GALNTL6: variants seen among roughly 807,000 people sequenced by gnomAD.
GALNTL6 encodes the protein polypeptide N-acetylgalactosaminyltransferase-like 6.
A neutral mutation model predicts 73.7 loss-of-function variants in GALNTL6; 46 were observed. The observed-to-expected ratio is 0.62, with a 90% CI of 0.49 to 0.80. The LOEUF is 0.80. GALNTL6 is among the 30% of genes least tolerant of loss of function. The probability of loss-of-function intolerance (pLI) is 0.00; values close to 1 mark genes in which losing one functional copy is unlikely to be tolerated. For missense variants in GALNTL6, 604 were observed against 755.0 expected (o/e 0.80, Z 2.34); for synonymous variants, 259 against 263.7 (o/e 0.98, Z 0.17).
intron 3 of GALNTL6, among the ~76,000 whole-genome samples, chr4:172,235,901 G>A (rs1019320776): frequency 3.9e-5 from 6 of 152,096 alleles, no homozygotes; most frequent in African/African-American, 1.4e-4. Context: ...GTAAGAATAT[G>A]TAATATTTCA....
chr4:172,470,930 C>T (rs987449703), intron 5 of GALNTL6, among the ~76,000 whole-genome samples: 4 of 152,282 alleles, frequency 2.6e-5, no homozygotes, highest in African/African-American at 9.6e-5. Flanking sequence ...CCCCCAACAC[C>T]CAGGTTTGCG....
intron 5 of GALNTL6, among the ~76,000 whole-genome samples, chr4:172,491,202 A>C (rs1321751817): frequency 1.3e-5 from 2 of 152,182 alleles, no homozygotes; most frequent in Non-Finnish European, 2.9e-5. Flanking sequence ...TTACTTAATA[A>C]GAATAATCAT....
chr4:172,238,294 C>A (rs529482564), intron 3 of GALNTL6, among the ~76,000 whole-genome samples: 8 of 151,950 alleles, frequency 5.3e-5, no homozygotes, highest in African/African-American at 1.4e-4. Context: ...GTTTTGTAAT[C>A]CTCATTTTAG....
chr4:172,011,709 G>A (rs1168893645), intron 2 of GALNTL6, among the ~76,000 whole-genome samples: 1 of 151,680 alleles, frequency 6.6e-6, no homozygotes, highest in Non-Finnish European at 1.5e-5. Flanking sequence ...ATAACCCATG[G>A]TACCTTTGTT....
chr4:172,554,784 G>A (rs1736084605), intron 5 of GALNTL6, among the ~76,000 whole-genome samples: 1 of 152,080 alleles, frequency 6.6e-6, no homozygotes, highest in Non-Finnish European at 1.5e-5. Flanking sequence ...TCCATTGTAT[G>A]GACATTGCGC....
At chr4:172,881,333 A>G (rs1745440401) in intron 7 of GALNTL6, among the ~76,000 whole-genome samples, 1 of 150,566 alleles carries the variant, frequency 6.6e-6, no homozygotes, top group African/African-American at 2.5e-5. Context: ...TTTTTATTAC[A>G]AAACAAAAAA....
intron 2 of GALNTL6, among the ~76,000 whole-genome samples, chr4:171,944,313 A>G (rs1380357326): frequency 6.6e-6 from 1 of 152,196 alleles, no homozygotes; most frequent in East Asian, 1.9e-4. Context: ...AGTTTATTCC[A>G]TAAAAATATT....
At position 172,621,507 on chromosome 4, in the gene GALNTL6, A is replaced by G. The variant is rs184962718; in HGVS notation, c.554-187854A>G. Among the ~76,000 whole-genome samples the G allele has an allele frequency of 1.2e-4, 18 of 152,104 alleles. 1 individual carries two copies. The South Asian group carries it at 1.7e-3, about 14-fold the overall frequency. On this transcript the variant is annotated intron_variant, in intron 5 of 12. Coordinates refer to ENST00000506823, the MANE Select transcript of GALNTL6 (RefSeq NM_001034845.3). ...GTTATCAACAATTAATCTACTTCCAACTTCCAATTTTTTGTCCTTTACAAC... is the reference window on the plus strand; with the variant it reads ...GTTATCAACAATTAATCTACTTCCAGCTTCCAATTTTTTGTCCTTTACAAC...
intron 5 of GALNTL6, among the ~76,000 whole-genome samples, chr4:172,486,890 C>T (rs923510599): frequency 6.6e-6 from 1 of 152,110 alleles, no homozygotes; most frequent in Admixed American, 6.5e-5. Flanking sequence ...AACAAAATAC[C>T]TCAATACAGT....
Position 172,424,489 on chromosome 4 carries a change from T to C in GALNTL6, c.553+75800T>C, listed in dbSNP as rs531230972. 2.4e-3 allele frequency among the ~76,000 whole-genome samples: 362 copies of C among 151,170 alleles called. 1 individual carries two copies. The highest frequency in any genetic ancestry group is 2.9e-3 in the Non-Finnish European group (193 of 67,582). ...AGGAAGTGTTTTAGTGACGGTGAGC[T>C]AACTATTATAAAAAATAAATTAAAA... On this transcript the variant is annotated intron_variant, in intron 5 of 12. Coordinates refer to ENST00000506823, the MANE Select transcript of GALNTL6 (RefSeq NM_001034845.3).
At chr4:172,816,861 T>C (rs2332629) in intron 7 of GALNTL6, among the ~76,000 whole-genome samples, 70,732 of 151,756 alleles carry the variant, frequency 0.47, 20,158 homozygotes, top group African/African-American at 0.81. Flanking sequence ...ATTCCCAGCA[T>C]TTTGGGAGGC....
At chr4:172,196,647 A>G (rs1297804634) in intron 2 of GALNTL6, among the ~76,000 whole-genome samples, 2 of 152,202 alleles carry the variant, frequency 1.3e-5, no homozygotes, top group Non-Finnish European at 2.9e-5. Context: ...AACTTATACA[A>G]ATCAATAAAT....
chr4:172,839,356 A>G (rs1271557915), intron 7 of GALNTL6, among the ~76,000 whole-genome samples: 1 of 152,228 alleles, frequency 6.6e-6, no homozygotes, highest in African/African-American at 2.4e-5. Context: ...ACAGCCTTGA[A>G]TCCTCAGATA....
In GALNTL6 at chr4:172,546,954, A is replaced by G. The variant is rs113635126; in HGVS notation, c.553+198265A>G. ...CCCATCCGTGACCAGAGCTCTTTTCATGTTGTGAAACTGAAACTCTATGCG... is the reference window on the plus strand; with the variant it reads ...CCCATCCGTGACCAGAGCTCTTTTCGTGTTGTGAAACTGAAACTCTATGCG... On this transcript the variant is annotated intron_variant, in intron 5 of 12. Transcript: ENST00000506823. Among the ~76,000 whole-genome samples, 1,083 of 151,030 alleles carry G rather than the reference A, an allele frequency of 7.2e-3. 16 individuals are homozygous for G. The highest frequency in any genetic ancestry group is 0.025 in the African/African-American group (1,013 of 41,102).
intron 8 of GALNTL6, among the ~76,000 whole-genome samples, chr4:172,926,400 A>G (rs1748061240): frequency 6.6e-6 from 1 of 152,222 alleles, no homozygotes; most frequent in African/African-American, 2.4e-5. Context: ...TGAACTTTCT[A>G]TTACGGCACT....
intron 2 of GALNTL6, among the ~76,000 whole-genome samples, chr4:172,176,381 G>C (rs1468360472): frequency 7.2e-6 from 1 of 138,872 alleles, no homozygotes; most frequent in Non-Finnish European, 1.5e-5. Context: ...TATTTATTGA[G>C]TAATTAGAAA....
chr4:171,858,126 C>A (rs1385608139), intron 2 of GALNTL6, among the ~76,000 whole-genome samples: 1 of 151,954 alleles, frequency 6.6e-6, no homozygotes, highest in African/African-American at 2.4e-5. Flanking sequence ...GCATAGAAAG[C>A]AATATAGAAA....
intron 9 of GALNTL6, among the ~76,000 whole-genome samples, chr4:172,943,393 C>G (rs1180260731): frequency 6.6e-6 from 1 of 152,220 alleles, no homozygotes; most frequent in East Asian, 1.9e-4. Context: ...CATGAGAAAT[C>G]TGATCCGGAT....
intron 11 of GALNTL6, among the ~76,000 whole-genome samples, chr4:173,016,163 C>T (rs1434035698): frequency 6.6e-6 from 1 of 152,222 alleles, no homozygotes; most frequent in South Asian, 2.1e-4. Flanking sequence ...GCTGTCCGGG[C>T]AGAGGTGTGC....
Sources: allele counts gnomAD v4.1 joint callset (sites outside exome capture counted in the v4.1 genomes callset), GRCh38; gene constraint gnomAD v4.1.1; transcripts MANE v1.5; gene names NCBI Gene and HGNC (gene_info 2026-07-23, HGNC 2026-07-21).